The following USP24 variants were observed in gnomAD, a reference collection of about 807,000 sequenced individuals.
The protein encoded by USP24 is ubiquitin specific peptidase 24, also known as ubiquitin carboxyl-terminal hydrolase 24.
USP24 carries 97 observed loss-of-function variants against 361.6 expected under a neutral mutation model. That is an observed-to-expected ratio of 0.27 (90% CI 0.23 to 0.32). The LOEUF (loss-of-function observed/expected upper bound fraction) is 0.32, where lower values mean the gene tolerates loss of function less well. Among genes scored for constraint, USP24 ranks in the 10% least tolerant of loss-of-function variants. The pLI, the probability that USP24 is intolerant of heterozygous loss-of-function variation, is 1.00. For missense variants in USP24, 2,353 were observed against 3,165.6 expected, an observed-to-expected ratio of 0.74 and a Z score of 6.16; for synonymous variants, 1,098 against 1,124.6, an observed-to-expected ratio of 0.98 and a Z score of 0.47.
chr1:55,089,759 A>T lies in USP24; in HGVS notation c.6555-19T>A. On this transcript the variant is annotated intron_variant, in intron 54 of 67. Transcript: ENST00000294383. Reference sequence around the variant, plus strand: ...ATCAACCCTTTAAAAAAAAGCAGATACAGCAATGTTAGGAGCATAAGCCCA... The same window carrying T: ...ATCAACCCTTTAAAAAAAAGCAGATTCAGCAATGTTAGGAGCATAAGCCCA... 1 of 1,551,718 alleles carries T rather than the reference A, an allele frequency of 6.4e-7. No individual in the cohort carries two copies. Among genetic ancestry groups the T allele is most frequent in the Non-Finnish European group, 8.8e-7 (1 of 1,141,484 alleles).
intron 1 of USP24, among the ~76,000 whole-genome samples, chr1:55,190,429 A>AG (rs1388363659): frequency 6.6e-6 from 1 of 152,194 alleles, no homozygotes; most frequent in Non-Finnish European, 1.5e-5. Flanking sequence ...ATCACTTTTA[A>AG]GTAGAGCCTG....
chr1:55,119,443 G>C (rs1160071867), intron 38 of USP24, among the ~76,000 whole-genome samples: 1 of 152,114 alleles, frequency 6.6e-6, no homozygotes, highest in Non-Finnish European at 1.5e-5. Flanking sequence ...ATTGTTCAAT[G>C]AGTAGAGTTT....
intron 38 of USP24, among the ~76,000 whole-genome samples, chr1:55,114,075 A>G (rs1190384296): frequency 2.0e-5 from 3 of 152,246 alleles, no homozygotes; most frequent in Non-Finnish European, 4.4e-5. Flanking sequence ...TACAAAATCA[A>G]TGTGCAAAAT....
At position 55,123,495 on chromosome 1, in the gene USP24, C is replaced by A; in HGVS notation, c.4228G>T (p.Ala1410Ser). 1 of 1,603,192 alleles carries A rather than the reference C, an allele frequency of 6.2e-7. No individual in the cohort carries two copies. The highest frequency in any genetic ancestry group is 8.5e-7 in the Non-Finnish European group (1 of 1,174,982). ...STKDSLIAGE[A>S]LSLLVTCLQL... Reference sequence around the variant, plus strand: ...AGGCACGTAACAAGAAGAGACAAAGCCTCTCCCGCAATCAGCGAGTCTTTG... The same window carrying A: ...AGGCACGTAACAAGAAGAGACAAAGACTCTCCCGCAATCAGCGAGTCTTTG... The change falls in exon 36 of 68, where the codon GCT (alanine) becomes TCT (serine). Residue 1410 changes from alanine (A) to serine (S), a missense_variant. Ala to Ser is a moderately conservative substitution (Grantham distance 99). Around this residue, in one of 8 missense-constraint regions of USP24, gnomAD observed 949 missense variants for 1,280.5 expected, o/e 0.74. Transcript: ENST00000294383.
Position 55,077,277 on chromosome 1 carries a change from A to C in USP24, c.7338T>G (p.Pro2446=). 6.4e-7 allele frequency: 1 copy of C among 1,566,774 alleles called. No homozygotes were observed. The highest frequency in any genetic ancestry group is 8.7e-7 in the Non-Finnish European group (1 of 1,152,188). Residue 2446 remains proline (P), a synonymous_variant, in exon 62 of 68, where the codon CCT becomes CCG. Transcript: ENST00000294383. ...GTTGGAACGTATTCTTTAACTCATG[A>C]GGTGGAGCCGTTTCTAGTTGGTTCT... ...FIKNQLETAP[P]HELKNTFQLL...
intron 10 of USP24, 32 bp downstream of exon 10, chr1:55,158,846 T>G: frequency 7.0e-7 from 1 of 1,432,866 alleles, no homozygotes; most frequent in Non-Finnish European, 9.3e-7. Context: ...TATCTGTGCA[T>G]TAAGTCTTGT....
intron 38 of USP24, among the ~76,000 whole-genome samples, chr1:55,111,496 T>C (rs1416002529): frequency 6.6e-6 from 1 of 152,074 alleles, no homozygotes; most frequent in Non-Finnish European, 1.5e-5. Flanking sequence ...TGAAGAATCA[T>C]TGGTCTTTCA....
In USP24 at chr1:55,068,894, C is replaced by T. The variant is rs80002318; in HGVS notation, c.*151G>A. On this transcript the variant is annotated 3_prime_UTR_variant, in exon 68 of 68. Transcript: ENST00000294383. ...CAAACCTTCTAGTGGCTTAAAAATG[C>T]TTTCCTTGAGAAATACACGATCCGC... 1.3e-3 allele frequency: 968 copies of T among 767,302 alleles called. 2 individuals carry two copies. In the African/African-American group the frequency reaches 0.016, roughly 12 times the overall value. 47.5% of individuals were successfully genotyped at this position (767,302 alleles called of 1,614,324 possible).
intron 5 of USP24, among the ~76,000 whole-genome samples, chr1:55,167,392 T>TA (rs1411370999): frequency 6.6e-6 from 1 of 152,098 alleles, no homozygotes; most frequent in Non-Finnish European, 1.5e-5. Flanking sequence ...CTGCTGTGTT[T>TA]AAAAAACTCT....
chr1:55,096,520 A>C lies in USP24; in HGVS notation c.6039T>G (p.Tyr2013Ter). The part of the protein sequence containing the change: ...TLEYECFGGE[Y>*]RPKVYDQTNP... ...TACTTTGATCATAAACTTTTGGTCT[A>C]TATTCTCCTCCAAAGCATTCATACT... The change falls in exon 50 of 68, where the codon TAT (tyrosine) becomes TAG (stop). Residue 2013 changes from tyrosine (Y) to a stop codon, truncating the protein, a stop_gained. Transcript: ENST00000294383. LOFTEE classifies it high-confidence loss of function. 1 of 1,605,562 alleles carries C rather than the reference A, an allele frequency of 6.2e-7. No individual in the cohort carries two copies. Among genetic ancestry groups the C allele is most frequent in the Non-Finnish European group, 8.5e-7 (1 of 1,176,522 alleles).
intron 63 of USP24, 36 bp downstream of exon 63, chr1:55,075,421 C>T (rs1206813408): frequency 6.5e-7 from 1 of 1,547,026 alleles, no homozygotes; most frequent in Non-Finnish European, 8.8e-7. Flanking sequence ...CACATATTTA[C>T]TATAGACATT....
chr1:55,070,601 T>G (rs541152060), intron 67 of USP24, among the ~76,000 whole-genome samples: 50 of 151,526 alleles, frequency 3.3e-4, no homozygotes, highest in Non-Finnish European at 8.8e-5. Flanking sequence ...GAAGAGCGAG[T>G]GAGAGATAAG....
intron 38 of USP24, among the ~76,000 whole-genome samples, chr1:55,119,240 A>G (rs1415312472): frequency 6.6e-6 from 1 of 152,228 alleles, no homozygotes; most frequent in Non-Finnish European, 1.5e-5. Context: ...CAGCCCTAAA[A>G]AGGAAGGAAA....
At position 55,193,743 on chromosome 1, in the gene USP24, T is replaced by C. The variant is rs80045239; in HGVS notation, c.325-15611A>G. 3.3e-3 allele frequency among the ~76,000 whole-genome samples: 498 copies of C among 152,304 alleles called. 4 individuals are homozygous for C. The highest frequency in any genetic ancestry group is 0.012 in the African/African-American group (484 of 41,556). On this transcript the variant is annotated intron_variant, in intron 1 of 67. Coordinates refer to ENST00000294383, the MANE Select transcript of USP24 (RefSeq NM_015306.3). ...ACTAGTAACTATGGAAAAGTGTACA[T>C]ATATTATAATTTAATTATTCTCAAA...
rs1019917310 is a variant in USP24 at position 55,157,158 on chromosome 1, C to T, written c.1342+98G>A. 15 of 1,343,668 alleles carry T rather than the reference C, an allele frequency of 1.1e-5. No homozygotes were observed. The African/African-American group carries it at 1.6e-4, about 15-fold the overall frequency. The allele number at this position is 1,343,668 out of a possible 1,614,324, so 83.2% of individuals were successfully genotyped here. ...AACTTACTATAAGATCATTTAAAGA[C>T]TAATACAGTCAAAGCAACAATTTTG... On this transcript the variant is annotated intron_variant, in intron 11 of 67. Coordinates refer to ENST00000294383, the MANE Select transcript of USP24 (RefSeq NM_015306.3).
At chr1:55,120,235 C>A (rs570029744) in intron 38 of USP24, among the ~76,000 whole-genome samples, 2 of 152,158 alleles carry the variant, frequency 1.3e-5, no homozygotes, top group African/African-American at 4.8e-5. Context: ...CCTCTAGACA[C>A]GGAGCTACAA....
intron 34 of USP24, 65 bp from the exon 35 acceptor site, chr1:55,124,693 CCTT>C (rs1239729420): frequency 1.4e-5 from 22 of 1,557,600 alleles, no homozygotes; most frequent in Non-Finnish European, 1.9e-5. Flanking sequence ...ACATGTACAA[CCTT>C]CTTACAGGTC....
At chr1:55,073,048 T>TG in intron 64 of USP24, 187 bp from the exon 65 acceptor site, 1 of 594,288 alleles carries the variant, frequency 1.7e-6, no homozygotes, top group Non-Finnish European at 2.9e-6. Flanking sequence ...CCCCAGGGGC[T>TG]GGGGGAAGGG....
rs776414953 is a variant in USP24, at chr1:55,121,429, T to G, written c.4347+7A>C. 1.9e-6 allele frequency: 3 copies of G among 1,611,974 alleles called. No individual in the cohort carries two copies. The Admixed American group carries it at 5.0e-5, about 27-fold the overall frequency. On this transcript the variant is annotated splice_region_variant and intron_variant, in intron 37 of 67. Coordinates refer to ENST00000294383, the MANE Select transcript of USP24 (RefSeq NM_015306.3). ...GGAGTTTTGTAAGTAATGTGAAAAA[T>G]CCTTACCTCAGCACTTGGTGATCCG...
Sources: allele counts gnomAD v4.1 joint callset (sites outside exome capture counted in the v4.1 genomes callset), GRCh38; gene constraint gnomAD v4.1.1; regional missense constraint gnomAD v4.1.1; transcripts MANE v1.5; gene names NCBI Gene and HGNC (gene_info 2026-07-23, HGNC 2026-07-21).